Variants in ZFYVE9 observed in about 807,000 individuals in gnomAD.
ZFYVE9 encodes the protein zinc finger FYVE domain-containing protein 9.
In ZFYVE9, 43 loss-of-function variants were observed where a neutral mutation model predicts 126.7. That is an observed-to-expected ratio of 0.34 (90% confidence interval 0.27 to 0.44). The LOEUF (loss-of-function observed/expected upper bound fraction) is 0.44. ZFYVE9 is among the 20% of genes least tolerant of loss of function. The pLI is 1.00. For synonymous variants in ZFYVE9, 521 were observed against 597.4 expected (o/e 0.87, Z 1.87); for missense variants, 1,476 against 1,697.0 (o/e 0.87, Z 2.29).
chr1:52,340,377 G>T, intron 17 of ZFYVE9, 146 bp downstream of exon 17: 1 of 639,358 alleles, frequency 1.6e-6, no homozygotes, highest in Non-Finnish European at 2.8e-6. Context: ...ATTCCTATCT[G>T]AAATCACCAG....
At chr1:52,298,226 G>T (rs1645996910) in intron 12 of ZFYVE9, among the ~76,000 whole-genome samples, 2 of 151,966 alleles carry the variant, frequency 1.3e-5, no homozygotes, top group East Asian at 1.9e-4. Flanking sequence ...TCATTGCCTA[G>T]CCCAATATTG....
chr1:52,256,172 T>C, intron 4 of ZFYVE9, among the ~76,000 whole-genome samples: 1 of 150,860 alleles, frequency 6.6e-6, no homozygotes, highest in African/African-American at 2.4e-5. Context: ...TTCAAGTGAT[T>C]CTCCTGCCTC....
intron 1 of ZFYVE9, among the ~76,000 whole-genome samples, chr1:52,200,353 A>G (rs984012502): frequency 4.6e-5 from 7 of 151,124 alleles, no homozygotes; most frequent in African/African-American, 4.9e-5. Context: ...TAATTTTTAT[A>G]TTTTTTTTGT....
rs555764165 is a variant in ZFYVE9, at chr1:52,281,729, A to G, written c.2938A>G (p.Ile980Val). 2 of 1,614,202 alleles carry G rather than the reference A, an allele frequency of 1.2e-6. No homozygotes were observed. Among genetic ancestry groups the G allele is most frequent in the East Asian group, 2.2e-5 (1 of 44,872 alleles). ...MHAVGQSEIV[I>V]LLQCLPDEKC... ...TGCAGTGGGTCAGTCTGAGATAGTCATTCTTCTACAGTGTTTACCGGATGA... is the reference window on the plus strand; with the variant it reads ...TGCAGTGGGTCAGTCTGAGATAGTCGTTCTTCTACAGTGTTTACCGGATGA... Residue 980 changes from isoleucine to valine, a missense_variant, in exon 10 of 19, where the codon ATT (isoleucine) becomes GTT (valine). Around this residue, in one of 2 missense-constraint regions of ZFYVE9, gnomAD observed 669 missense variants for 902.4 expected, o/e 0.74. Transcript: ENST00000287727.
chr1:52,336,370 T>TTTTTTTTTTC, intron 15 of ZFYVE9, among the ~76,000 whole-genome samples: 1 of 136,986 alleles, frequency 7.3e-6, no homozygotes, highest in Admixed American at 7.0e-5. Flanking sequence ...TTTTTTTTGT[T>TTTTTTTTTTC]TTTTTTTTTT....
intron 4 of ZFYVE9, chr1:52,253,617 A>C: frequency 7.6e-7 from 1 of 1,318,504 alleles, no homozygotes; most frequent in South Asian, 1.2e-5. Flanking sequence ...AGAATACTTA[A>C]AAAATGACCA....
chr1:52,253,420 T>G (rs1557482448), intron 4 of ZFYVE9, among the ~76,000 whole-genome samples: 1 of 152,214 alleles, frequency 6.6e-6, no homozygotes, highest in Non-Finnish European at 1.5e-5. Flanking sequence ...TTTTAAAATT[T>G]TATGCCTATA....
chr1:52,332,673 T>A, intron 13 of ZFYVE9, 95 bp from the exon 14 acceptor site: 1 of 1,433,240 alleles, frequency 7.0e-7, no homozygotes, highest in Admixed American at 2.3e-5. Flanking sequence ...ATACGTAATA[T>A]TCTGTTAGTT....
intron 2 of ZFYVE9, among the ~76,000 whole-genome samples, chr1:52,228,756 C>G (rs775060934): frequency 9.9e-5 from 15 of 152,136 alleles, no homozygotes; most frequent in Non-Finnish European, 2.1e-4. Flanking sequence ...ATCCAAATTT[C>G]TTCTGAGATT....
intron 2 of ZFYVE9, among the ~76,000 whole-genome samples, chr1:52,222,082 G>C (rs1226179939): frequency 6.6e-6 from 1 of 152,114 alleles, no homozygotes; most frequent in African/African-American, 2.4e-5. Flanking sequence ...CAGGTTCTAC[G>C]AATTGGAGTT....
intron 2 of ZFYVE9, among the ~76,000 whole-genome samples, chr1:52,223,729 C>T (rs1336995779): frequency 6.6e-6 from 1 of 152,050 alleles, no homozygotes; most frequent in African/African-American, 2.4e-5. Context: ...ATTCCCAAAT[C>T]CCTTTAATTA....
intron 10 of ZFYVE9, among the ~76,000 whole-genome samples, chr1:52,288,096 T>C (rs1645880634): frequency 6.6e-6 from 1 of 152,210 alleles, no homozygotes; most frequent in Admixed American, 6.5e-5. Context: ...TTATGTACAC[T>C]ATTTTATTTC....
chr1:52,223,147 T>C (rs910005689), intron 2 of ZFYVE9, among the ~76,000 whole-genome samples: 1 of 152,174 alleles, frequency 6.6e-6, no homozygotes, highest in Non-Finnish European at 1.5e-5. Context: ...ATGGAAGATG[T>C]AGAGTACCTG....
chr1:52,262,063 C>T (rs574310403), intron 4 of ZFYVE9, among the ~76,000 whole-genome samples: 36 of 152,250 alleles, frequency 2.4e-4, no homozygotes, highest in Admixed American at 2.4e-3. Context: ...GACTAGATGG[C>T]TTATAAATAA....
intron 1 of ZFYVE9, among the ~76,000 whole-genome samples, chr1:52,212,453 T>C (rs1377258952): frequency 6.6e-6 from 1 of 152,100 alleles, no homozygotes; most frequent in East Asian, 1.9e-4. Flanking sequence ...GCCAGATTTA[T>C]GATTTTAGAA....
chr1:52,255,498 T>C (rs898245801), intron 4 of ZFYVE9, among the ~76,000 whole-genome samples: 1 of 149,822 alleles, frequency 6.7e-6, no homozygotes, highest in Non-Finnish European at 1.5e-5. Flanking sequence ...GGCAGGAGAA[T>C]CGCTTGAACC....
chr1:52,187,155 T>C (rs1391275904), intron 1 of ZFYVE9, among the ~76,000 whole-genome samples: 2 of 151,924 alleles, frequency 1.3e-5, no homozygotes, highest in African/African-American at 2.4e-5. Context: ...AGCCCAGAAA[T>C]AAGGTCCATA....
At chr1:52,265,218 C>G (rs760913039) in intron 5 of ZFYVE9, among the ~76,000 whole-genome samples, 1 of 152,088 alleles carries the variant, frequency 6.6e-6, no homozygotes, top group Admixed American at 6.6e-5. Flanking sequence ...TGGCTTAGCC[C>G]GGTCTTTTTC....
chr1:52,281,783 C>A lies in ZFYVE9; in HGVS notation c.2992C>A (p.His998Asn). The change falls in exon 10 of 19, where the codon CAC becomes AAC. Residue 998 changes from histidine (H) to asparagine (N), a missense_variant. His to Asn is a moderately conservative substitution (Grantham distance 68). This residue lies in a region of ZFYVE9 where 669 missense variants were observed against 902.4 expected (regional missense o/e 0.74). Coordinates refer to ENST00000287727, the MANE Select transcript of ZFYVE9 (RefSeq NM_004799.4). ...GTGTTTGCCAAAGGATATCTTTAAT[C>A]ACTTTGTGCAGCTTTATCGGGATGC... ...EKCLPKDIFN[H>N]FVQLYRDALA... The A allele has an allele frequency of 6.2e-7, 1 of 1,614,170 alleles. No homozygotes were observed. The highest frequency in any genetic ancestry group is 8.5e-7 in the Non-Finnish European group (1 of 1,180,010).
Sources: allele counts gnomAD v4.1 joint callset (sites outside exome capture counted in the v4.1 genomes callset), GRCh38; gene constraint gnomAD v4.1.1; regional missense constraint gnomAD v4.1.1; transcripts MANE v1.5; gene names NCBI Gene and HGNC (gene_info 2026-07-23, HGNC 2026-07-21).